PKHD1: variants seen among roughly 807,000 people sequenced by gnomAD.
PKHD1 encodes PKHD1 ciliary IPT domain containing fibrocystin/polyductin.
Under a neutral mutation model 412.0 loss-of-function variants are expected in PKHD1, and 291 were observed. The observed-to-expected ratio is 0.71, with a 90% CI of 0.64 to 0.78. The LOEUF is 0.78. Ranked by LOEUF, PKHD1 falls within the 30% of genes least tolerant of loss-of-function variation. The probability of loss-of-function intolerance (pLI) is 0.00; values close to 1 mark genes in which losing one functional copy is unlikely to be tolerated. For missense variants in PKHD1, 4,825 were observed against 4,950.7 expected, an observed-to-expected ratio of 0.97 and a Z score of 0.76; for synonymous variants, 1,777 against 1,821.5, an observed-to-expected ratio of 0.98 and a Z score of 0.62.
intron 50 of PKHD1, among the ~76,000 whole-genome samples, chr6:51,845,310 G>C (rs751951048): frequency 1.3e-5 from 2 of 152,132 alleles, no homozygotes; most frequent in Admixed American, 1.3e-4. Flanking sequence ...GGAGGAGCAG[G>C]GTGAGCCTCA....
chr6:52,077,672 T>C (rs968460370), intron 5 of PKHD1, among the ~76,000 whole-genome samples: 5 of 152,320 alleles, frequency 3.3e-5, no homozygotes, highest in East Asian at 1.9e-4. Context: ...TTGATCCATA[T>C]GCTGTATAGT....
chr6:51,810,012 T>A (rs1764454348), intron 52 of PKHD1, among the ~76,000 whole-genome samples: 1 of 152,082 alleles, frequency 6.6e-6, no homozygotes, highest in South Asian at 2.1e-4. Context: ...TCACGTTTTA[T>A]TCTCGACACT....
intron 52 of PKHD1, among the ~76,000 whole-genome samples, chr6:51,825,645 C>G (rs1355736309): frequency 1.3e-5 from 2 of 152,072 alleles, no homozygotes; most frequent in African/African-American, 4.8e-5. Context: ...CATGGAAGAA[C>G]CCAAATTAGA....
intron 60 of PKHD1, among the ~76,000 whole-genome samples, chr6:51,678,001 T>C (rs371491144): frequency 6.6e-6 from 1 of 152,208 alleles, no homozygotes; most frequent in Admixed American, 6.5e-5. Context: ...AAAGTGTTTT[T>C]GTATTTTCGT....
intron 60 of PKHD1, among the ~76,000 whole-genome samples, chr6:51,713,821 T>A (rs1296907300): frequency 6.6e-6 from 1 of 152,068 alleles, no homozygotes; most frequent in Non-Finnish European, 1.5e-5. Flanking sequence ...CATGATACAC[T>A]CCCCTAACAG....
At chr6:52,062,706 C>T (rs1808872851) in intron 13 of PKHD1, 46 bp from the exon 14 acceptor site, 1 of 1,610,858 alleles carries the variant, frequency 6.2e-7, no homozygotes, top group African/African-American at 1.3e-5. Context: ...CGCACCTTCC[C>T]AAATTGGGGA....
intron 52 of PKHD1, among the ~76,000 whole-genome samples, chr6:51,817,514 GT>G (rs1765663948): frequency 6.6e-6 from 1 of 152,136 alleles, no homozygotes; most frequent in Non-Finnish European, 1.5e-5. Flanking sequence ...CAGTTTCAGA[GT>G]TTTGATTCAG....
intron 35 of PKHD1, among the ~76,000 whole-genome samples, chr6:51,969,164 A>G (rs1291446413): frequency 2.0e-5 from 3 of 152,196 alleles, no homozygotes; most frequent in Non-Finnish European, 4.4e-5. Flanking sequence ...GGCTTGGAGG[A>G]GACCATGTGG....
At chr6:51,937,660 A>G (rs1787728294) in intron 36 of PKHD1, among the ~76,000 whole-genome samples, 2 of 152,188 alleles carry the variant, frequency 1.3e-5, no homozygotes, top group South Asian at 4.1e-4. Context: ...CCCTTCAAGG[A>G]CCTTTTCTTT....
chr6:51,975,994 A>G (rs2128005194), intron 35 of PKHD1: 1 of 150,766 alleles, frequency 6.6e-6, no homozygotes, highest in African/African-American at 2.4e-5. Flanking sequence ...AAAAAAACAG[A>G]AAACAACTGT....
At chr6:51,776,469 G>C (rs1791044463) in intron 53 of PKHD1, among the ~76,000 whole-genome samples, 2 of 151,980 alleles carry the variant, frequency 1.3e-5, no homozygotes, top group African/African-American at 4.8e-5. Flanking sequence ...GTAAACCACT[G>C]AGATTTGGGG....
rs1784926804 is a variant in PKHD1, at chr6:51,744,310, G to T, written c.10156+75C>A. ...TCTTCACCAGTACATTTCATTCTCA[G>T]TGAGCACAGCAAAACCAGCTCCTTC... On this transcript the variant is annotated intron_variant, in intron 60 of 66. Coordinates refer to ENST00000371117, the MANE Select transcript of PKHD1 (RefSeq NM_138694.4). The T allele has an allele frequency of 6.9e-6, 9 of 1,294,990 alleles. No individual in the cohort carries two copies. In the Admixed American group the frequency reaches 1.5e-4, roughly 22 times the overall value. The allele number at this position is 1,294,990 out of a possible 1,614,324, so 80.2% of individuals were successfully genotyped here.
intron 37 of PKHD1, among the ~76,000 whole-genome samples, chr6:51,921,409 G>A (rs961340158): frequency 5.9e-5 from 9 of 151,944 alleles, no homozygotes; most frequent in African/African-American, 9.7e-5. Flanking sequence ...TGTGTCTTGG[G>A]GTTGCTCTTC....
At chr6:51,841,494 C>G (rs1770197256) in intron 50 of PKHD1, among the ~76,000 whole-genome samples, 1 of 152,154 alleles carries the variant, frequency 6.6e-6, no homozygotes, top group Non-Finnish European at 1.5e-5. Flanking sequence ...TTTCACATCC[C>G]CAGCCTCTGT....
chr6:51,813,112 T>G (rs1252870731), intron 52 of PKHD1, among the ~76,000 whole-genome samples: 1 of 152,154 alleles, frequency 6.6e-6, no homozygotes, highest in Non-Finnish European at 1.5e-5. Flanking sequence ...CCAACCACCT[T>G]GAGCACAAGT....
chr6:52,042,913 G>C lies in PKHD1; in HGVS notation c.3043C>G (p.Leu1015Val), dbSNP rs1272367929. Residue 1015 changes from leucine (L) to valine (V), a missense_variant, in exon 27 of 67, where the codon CTA (leucine) becomes GTA (valine). By Grantham distance (32) the Leu-to-Val change is conservative. Transcript: ENST00000371117. ...ATATCCAGTCTAGGTTTCACATTTAGGAAGAGGTCTTCTCCAGTGGCACTG... is the reference window on the plus strand; with the variant it reads ...ATATCCAGTCTAGGTTTCACATTTACGAAGAGGTCTTCTCCAGTGGCACTG... ...AISATGEDLF[L>V]NVKPRLDMVE... 1.2e-6 allele frequency: 2 copies of C among 1,613,964 alleles called. No homozygotes were observed. The highest frequency in any genetic ancestry group is 1.7e-6 in the Non-Finnish European group (2 of 1,179,852).
intron 29 of PKHD1, among the ~76,000 whole-genome samples, chr6:52,032,687 A>G (rs1803241280): frequency 6.6e-6 from 1 of 152,214 alleles, no homozygotes; most frequent in Admixed American, 6.5e-5. Flanking sequence ...TAATAATCCT[A>G]TAAATTAGGG....
At position 52,025,867 on chromosome 6, in the gene PKHD1, GGCT is replaced by G. The variant is rs758398719; in HGVS notation, c.3940_3942del (p.Ser1314del). ...TTACTTCCTCCCACATGCAGGCTCA[GGCT>G]GCTATTTGTGATTTCTCCTTGCATG... On this transcript the variant is annotated inframe_deletion, in exon 32 of 67. Transcript: ENST00000371117. The G allele has an allele frequency of 1.9e-6, 3 of 1,614,158 alleles. No homozygotes were observed. In the South Asian group the frequency reaches 3.3e-5, roughly 18 times the overall value.
intron 60 of PKHD1, among the ~76,000 whole-genome samples, chr6:51,706,708 T>C (rs1029531980): frequency 6.6e-6 from 1 of 152,176 alleles, no homozygotes; most frequent in African/African-American, 2.4e-5. Flanking sequence ...CAAATTCTTG[T>C]AATGAAATGT....
Sources: allele counts gnomAD v4.1 joint callset (sites outside exome capture counted in the v4.1 genomes callset), GRCh38; gene constraint gnomAD v4.1.1; transcripts MANE v1.5; gene names NCBI Gene and HGNC (gene_info 2026-07-23, HGNC 2026-07-21).